Variants in ASTN1 observed in about 807,000 individuals in gnomAD.
ASTN1 encodes astrotactin-1.
In ASTN1, 41 loss-of-function variants were observed where a neutral mutation model predicts 140.7. The observed-to-expected ratio is 0.29, with a 90% confidence interval of 0.23 to 0.38. The LOEUF is 0.38. Ranked by LOEUF, ASTN1 falls within the 10% of genes least tolerant of loss-of-function variation. The pLI, the probability that ASTN1 is intolerant of heterozygous loss-of-function variation, is 1.00. For synonymous variants in ASTN1, 640 were observed against 652.2 expected (o/e 0.98, Z 0.29); for missense variants, 1,479 against 1,678.8 (o/e 0.88, Z 2.08).
At chr1:177,130,624 CAG>C (rs1681898525) in intron 1 of ASTN1, among the ~76,000 whole-genome samples, 1 of 152,190 alleles carries the variant, frequency 6.6e-6, no homozygotes, top group Non-Finnish European at 1.5e-5. Context: ...CTGCACCCAC[CAG>C]AGTTAGCCTG....
chr1:177,122,259 G>C (rs192510710), intron 1 of ASTN1, among the ~76,000 whole-genome samples: 1 of 152,296 alleles, frequency 6.6e-6, no homozygotes, highest in Non-Finnish European at 1.5e-5. Context: ...AGCAGGAAAA[G>C]ACATGGGTCA....
chr1:177,019,225 G>A (rs1200229730), intron 7 of ASTN1, among the ~76,000 whole-genome samples: 2 of 152,162 alleles, frequency 1.3e-5, no homozygotes, highest in Admixed American at 1.3e-4. Context: ...GGGAATAAGA[G>A]TACCATCTAC....
chr1:177,022,291 G>T (rs1162887848), intron 7 of ASTN1, among the ~76,000 whole-genome samples: 1 of 152,142 alleles, frequency 6.6e-6, no homozygotes, highest in Non-Finnish European at 1.5e-5. Flanking sequence ...TGTACAAAAA[G>T]CTTCAGGGTT....
chr1:177,099,109 T>C (rs1680182869), intron 1 of ASTN1, among the ~76,000 whole-genome samples: 1 of 152,106 alleles, frequency 6.6e-6, no homozygotes, highest in African/African-American at 2.4e-5. Context: ...TTAAGCAACA[T>C]CAATTCTCAA....
chr1:177,129,312 T>C (rs1039923574), intron 1 of ASTN1, among the ~76,000 whole-genome samples: 2 of 152,212 alleles, frequency 1.3e-5, no homozygotes, highest in Non-Finnish European at 2.9e-5. Context: ...GAGATCATTA[T>C]AGTTTCAAAA....
chr1:176,965,062 G>T, intron 9 of ASTN1, 101 bp downstream of exon 9: 1 of 1,131,306 alleles, frequency 8.8e-7, no homozygotes, highest in Non-Finnish European at 1.3e-6. Flanking sequence ...AACTCAAGGT[G>T]TTTCCTATTT....
At chr1:177,004,086 T>C (rs1674872447) in intron 8 of ASTN1, among the ~76,000 whole-genome samples, 1 of 152,076 alleles carries the variant, frequency 6.6e-6, no homozygotes, top group Non-Finnish European at 1.5e-5. Flanking sequence ...ACCCTAAAAT[T>C]TCCTCCAAGA....
intron 1 of ASTN1, among the ~76,000 whole-genome samples, chr1:177,131,451 A>G (rs1011488749): frequency 2.0e-5 from 3 of 152,210 alleles, no homozygotes; most frequent in Admixed American, 6.5e-5. Flanking sequence ...TTGAGAGATT[A>G]TGTTGTGTCA....
intron 7 of ASTN1, 33 bp downstream of exon 7, chr1:177,023,371 G>A (rs751157277): frequency 2.6e-6 from 4 of 1,552,250 alleles, no homozygotes; most frequent in East Asian, 2.4e-5. Context: ...TGATCTCTCT[G>A]ACAGTTACCC....
Position 177,034,845 on chromosome 1 carries a change from G to A in ASTN1, c.472-1996C>T, listed in dbSNP as rs1571686437. The stretch of plus-strand genomic sequence containing the variant: ...GACATTGAATTAAGCTAGTGAAAAC[G>A]AGAGGTAATTTTATTCCCTAAGGAG... On this transcript the variant is annotated intron_variant, in intron 2 of 22. Coordinates refer to ENST00000361833, the MANE Select transcript of ASTN1 (RefSeq NM_004319.3). 2.0e-5 allele frequency among the ~76,000 whole-genome samples: 3 copies of A among 152,312 alleles called. No homozygotes were observed. The South Asian group carries it at 6.2e-4, about 32-fold the overall frequency.
chr1:176,975,557 G>T (rs1450983850), intron 8 of ASTN1, among the ~76,000 whole-genome samples: 2 of 152,214 alleles, frequency 1.3e-5, no homozygotes, highest in African/African-American at 4.8e-5. Flanking sequence ...TGGAGCAGAA[G>T]TTATCTGTAG....
chr1:176,984,126 G>A (rs28570476), intron 8 of ASTN1, among the ~76,000 whole-genome samples: 2 of 152,182 alleles, frequency 1.3e-5, no homozygotes, highest in South Asian at 2.1e-4. Context: ...CATCGATACC[G>A]TGAATGCTTT....
At chr1:177,045,884 A>T (rs184265002) in intron 2 of ASTN1, among the ~76,000 whole-genome samples, 28 of 131,136 alleles carry the variant, frequency 2.1e-4, no homozygotes, top group Admixed American at 3.8e-4. Flanking sequence ...GAATCTAATT[A>T]TATCTACAGA....
intron 8 of ASTN1, among the ~76,000 whole-genome samples, chr1:176,968,197 C>A (rs1006913507): frequency 6.6e-6 from 1 of 152,220 alleles, no homozygotes; most frequent in African/African-American, 2.4e-5. Context: ...TGAGGAGGAA[C>A]TAGCTAATGT....
chr1:177,013,531 T>G (rs893195470), intron 8 of ASTN1, among the ~76,000 whole-genome samples: 1 of 152,144 alleles, frequency 6.6e-6, no homozygotes, highest in Non-Finnish European at 1.5e-5. Context: ...TGTCACCATA[T>G]TTATTGCTTT....
chr1:176,888,723 T>C (rs1331783642), intron 17 of ASTN1, among the ~76,000 whole-genome samples: 1 of 152,182 alleles, frequency 6.6e-6, no homozygotes, highest in Non-Finnish European at 1.5e-5. Flanking sequence ...GACTTGGCAT[T>C]AGGCATTTCT....
At chr1:177,127,185 C>T (rs1388631356) in intron 1 of ASTN1, among the ~76,000 whole-genome samples, 2 of 151,924 alleles carry the variant, frequency 1.3e-5, no homozygotes, top group Admixed American at 1.3e-4. Context: ...CTCATTTAAG[C>T]TTCTCTGATA....
At chr1:176,944,553 A>T (rs1671873727) in intron 13 of ASTN1, among the ~76,000 whole-genome samples, 1 of 152,210 alleles carries the variant, frequency 6.6e-6, no homozygotes, top group Non-Finnish European at 1.5e-5. Context: ...CGTGAGCCAC[A>T]GTAAATGGCC....
intron 2 of ASTN1, among the ~76,000 whole-genome samples, chr1:177,058,365 G>A (rs1677912189): frequency 6.6e-6 from 1 of 152,078 alleles, no homozygotes; most frequent in Non-Finnish European, 1.5e-5. Context: ...TTTGTCCTCT[G>A]TCTCTTTAGC....
Sources: gnomAD v4.1 joint callset for allele counts (sites outside exome capture counted in the v4.1 genomes callset) on GRCh38, gnomAD v4.1.1 for gene constraint, MANE v1.5 for transcripts, NCBI Gene and HGNC (gene_info 2026-07-23, HGNC 2026-07-21) for gene names.